Variants in ZDHHC3 observed in about 807,000 individuals in gnomAD.
The protein encoded by ZDHHC3 is palmitoyltransferase ZDHHC3.
A neutral mutation model predicts 30.6 loss-of-function variants in ZDHHC3; 9 were observed. The ratio of observed to expected loss-of-function variants is 0.29; its 90% CI spans 0.18 to 0.51. ZDHHC3 has a LOEUF of 0.51. Among genes scored for constraint, ZDHHC3 ranks in the 20% least tolerant of loss-of-function variants. The probability of loss-of-function intolerance (pLI) is 0.97; values close to 1 mark genes in which losing one functional copy is unlikely to be tolerated. For synonymous variants in ZDHHC3, 136 were observed against 140.2 expected (o/e 0.97, Z 0.21); for missense variants, 246 against 384.2 (o/e 0.64, Z 3.01).
chr3:44,928,267 G>A (rs901478254), intron 6 of ZDHHC3, among the ~76,000 whole-genome samples: 11 of 152,292 alleles, frequency 7.2e-5, no homozygotes, highest in South Asian at 2.1e-4. Flanking sequence ...AAAAGTTGCC[G>A]GAAGACCCGA....
rs541541527 is a variant in ZDHHC3, at chr3:44,945,556, G to GT, written c.307-265dup. 1.6e-3 allele frequency among the ~76,000 whole-genome samples: 245 copies of GT among 151,876 alleles called. 1 individual carries two copies. Among genetic ancestry groups the GT allele is most frequent in the South Asian group, 0.014 (67 of 4,806 alleles). ...TTTCTTTGTTTTTTTGTTTTGTTTT[G>GT]TTTTTTGTTTTTTTTAGACAGAGTC... is the stretch of plus-strand genomic sequence containing the variant. On this transcript the variant is annotated intron_variant, in intron 2 of 6. Transcript: ENST00000424952.
chr3:44,919,875 G>T lies in ZDHHC3; in HGVS notation c.*6814C>A, dbSNP rs1700473859. The T allele has an allele frequency of 3.9e-6, 4 of 1,013,402 alleles. No individual in the cohort carries two copies. Among genetic ancestry groups the T allele is most frequent in the Non-Finnish European group, 4.7e-6 (4 of 845,140 alleles). 62.8% of individuals were successfully genotyped at this position (1,013,402 alleles called of 1,614,324 possible). Reference sequence around the variant, plus strand: ...AAAATAATCAATAATCTGAGACAAAGATTTATGCAATACAAACTTGAACAC... The same window carrying T: ...AAAATAATCAATAATCTGAGACAAATATTTATGCAATACAAACTTGAACAC... On this transcript the variant is annotated 3_prime_UTR_variant, in exon 7 of 7. Transcript: ENST00000424952.
intron 5 of ZDHHC3, among the ~76,000 whole-genome samples, chr3:44,931,721 C>G (rs1701505348): frequency 6.6e-6 from 1 of 152,220 alleles, no homozygotes; most frequent in Non-Finnish European, 1.5e-5. Context: ...TGGGAGGACC[C>G]TGACCACTGG....
intron 2 of ZDHHC3, among the ~76,000 whole-genome samples, chr3:44,945,563 G>GT (rs1443336266): frequency 5.3e-5 from 8 of 151,364 alleles, no homozygotes; most frequent in East Asian, 3.9e-4. Context: ...TTTGTTTTTT[G>GT]TTTTTTTTAG....
In ZDHHC3 at chr3:44,960,294, T is replaced by A. The variant is rs541107277; in HGVS notation, c.-24-834A>T. ...CACCTACATTCCAGCCCTGGCCACCTCCTCCCAGGATTGCTGGTATGAAGG... is the reference window on the plus strand; with the variant it reads ...CACCTACATTCCAGCCCTGGCCACCACCTCCCAGGATTGCTGGTATGAAGG... On this transcript the variant is annotated intron_variant, in intron 1 of 6. Coordinates refer to ENST00000424952, the MANE Select transcript of ZDHHC3 (RefSeq NM_001135179.2). Among the ~76,000 whole-genome samples the A allele has an allele frequency of 7.2e-5, 11 of 152,300 alleles. No homozygotes were observed. The South Asian group carries it at 1.9e-3, about 26-fold the overall frequency.
At chr3:44,935,759 G>A (rs1236642453) in intron 3 of ZDHHC3, among the ~76,000 whole-genome samples, 1 of 152,138 alleles carries the variant, frequency 6.6e-6, no homozygotes, top group East Asian at 1.9e-4. Context: ...GCTTGTAAAT[G>A]GGGAAAAGAC....
chr3:44,926,735 G>A lies in ZDHHC3; in HGVS notation c.854C>T (p.Ala285Val). 6.2e-7 allele frequency: 1 copy of A among 1,613,504 alleles called. No individual in the cohort carries two copies. Residue 285 changes from alanine to valine, a missense_variant, in exon 7 of 7, where the codon GCC (alanine) becomes GTC (valine). By Grantham distance (64) the Ala-to-Val change is moderately conservative. Coordinates refer to ENST00000424952, the MANE Select transcript of ZDHHC3 (RefSeq NM_001135179.2). ...PFSLGWASPF[A>V]TPDQGKADPY... ...GTCTGCCTTCCCTTGGTCTGGCGTG[G>A]CAAAGGGGCTGGCCCAGCCTAGAGA...
intron 2 of ZDHHC3, among the ~76,000 whole-genome samples, chr3:44,958,882 A>T (rs1419192943): frequency 2.0e-5 from 3 of 152,218 alleles, no homozygotes; most frequent in Admixed American, 2.0e-4. Context: ...AGGCCCAATG[A>T]ATGTATATAT....
At chr3:44,936,881 C>T (rs891645527) in intron 3 of ZDHHC3, among the ~76,000 whole-genome samples, 4 of 149,972 alleles carry the variant, frequency 2.7e-5, no homozygotes, top group Admixed American at 6.7e-5. Flanking sequence ...TAAAACCCCC[C>T]CCCAAAACCT....
At chr3:44,934,395 C>T (rs1701762007) in intron 3 of ZDHHC3, among the ~76,000 whole-genome samples, 1 of 150,944 alleles carries the variant, frequency 6.6e-6, no homozygotes, top group Non-Finnish European at 1.5e-5. Flanking sequence ...AAAGACCAAA[C>T]CACCAAGGGA....
intron 4 of ZDHHC3, 124 bp from the exon 5 acceptor site, chr3:44,933,323 G>A: frequency 1.2e-6 from 1 of 801,278 alleles, no homozygotes; most frequent in Non-Finnish European, 2.1e-6. Context: ...GCCTGACCAG[G>A]AGGGACCAGA....
At chr3:44,969,873 A>C (rs545688271) in intron 1 of ZDHHC3, 4 of 152,324 alleles carry the variant, frequency 2.6e-5, no homozygotes, top group Admixed American at 2.6e-4. Context: ...TGTGGTGCCA[A>C]GTAACAGAAT....
Position 44,976,040 on chromosome 3 carries a change from G to T in ZDHHC3, c.-132C>A. 2.5e-6 allele frequency: 1 copy of T among 402,402 alleles called. No homozygotes were observed. Among genetic ancestry groups the T allele is most frequent in the South Asian group, 7.3e-5 (1 of 13,706 alleles). 24.9% of individuals were successfully genotyped at this position (402,402 alleles called of 1,614,324 possible). ...AACCCGGGACCCGGCCTCGGGCTTC[G>T]GCGATGGCTCCTCGGAACGAGGCGC... is the stretch of plus-strand genomic sequence containing the variant. On this transcript the variant is annotated 5_prime_UTR_variant, in exon 1 of 7. Transcript: ENST00000424952.
At chr3:44,944,058 C>T (rs1702681512) in intron 3 of ZDHHC3, among the ~76,000 whole-genome samples, 1 of 152,158 alleles carries the variant, frequency 6.6e-6, no homozygotes, top group Non-Finnish European at 1.5e-5. Flanking sequence ...CTCACTGCAG[C>T]CTCGGACTCC....
chr3:44,967,609 C>T (rs1705066773), intron 1 of ZDHHC3, among the ~76,000 whole-genome samples: 1 of 152,138 alleles, frequency 6.6e-6, no homozygotes, highest in Non-Finnish European at 1.5e-5. Context: ...CCGTAGAAGA[C>T]ACCACTCATT....
chr3:44,932,800 A>C (rs1701609602), intron 5 of ZDHHC3: 5 of 1,002,314 alleles, frequency 5.0e-6, no homozygotes, highest in Non-Finnish European at 7.7e-6. Flanking sequence ...CTTCTCTCCC[A>C]GCATGGCTCC....
rs545235701 is a variant in ZDHHC3 at position 44,935,948 on chromosome 3, G to A, written c.432-1964C>T. Among the ~76,000 whole-genome samples the A allele has an allele frequency of 2.5e-3, 378 of 152,136 alleles. 1 individual carries two copies. The highest frequency in any genetic ancestry group is 3.3e-3 in the Non-Finnish European group (223 of 68,008). On this transcript the variant is annotated intron_variant, in intron 3 of 6. Transcript: ENST00000424952. ...TGTAGGCAATACCATCCTGGACATA[G>A]GGCAAAGATTTCATGACAAAGATAC...
At position 44,920,441 on chromosome 3, in the gene ZDHHC3, T is replaced by C. The variant is rs954313992; in HGVS notation, c.*6248A>G. On this transcript the variant is annotated 3_prime_UTR_variant, in exon 7 of 7. Coordinates refer to ENST00000424952, the MANE Select transcript of ZDHHC3 (RefSeq NM_001135179.2). ...ACCCAAAAATGACAGACTGGCTGCA[T>C]CCACACTGACTTGGACTCAAAGCCA... is the stretch of plus-strand genomic sequence containing the variant. The C allele has an allele frequency of 8.0e-7, 1 of 1,254,568 alleles. No homozygotes were observed. The highest frequency in any genetic ancestry group is 1.5e-5 in the African/African-American group (1 of 65,412). The allele number at this position is 1,254,568 out of a possible 1,614,324, so 77.7% of individuals were successfully genotyped here.
intron 1 of ZDHHC3, among the ~76,000 whole-genome samples, chr3:44,964,674 T>G (rs1003973717): frequency 1.2e-4 from 18 of 152,172 alleles, no homozygotes; most frequent in African/African-American, 4.3e-4. Context: ...GAGGTCTGCG[T>G]CCAGAGGCCG....
Sources: allele counts gnomAD v4.1 joint callset (sites outside exome capture counted in the v4.1 genomes callset), GRCh38; gene constraint gnomAD v4.1.1; transcripts MANE v1.5; gene names NCBI Gene and HGNC (gene_info 2026-07-23, HGNC 2026-07-21).